VAMP7: variants seen among roughly 807,000 people sequenced by gnomAD.
VAMP7 encodes vesicle-associated membrane protein 7.
In VAMP7, 14 loss-of-function variants were observed where a neutral mutation model predicts 29.6. The ratio of observed to expected loss-of-function variants is 0.47; its 90% CI spans 0.31 to 0.74. The LOEUF (loss-of-function observed/expected upper bound fraction) is 0.74, where lower values mean the gene tolerates loss of function less well. Ranked by LOEUF, VAMP7 falls within the 30% of genes least tolerant of loss-of-function variation. The pLI is 0.05. For missense variants in VAMP7, 223 were observed against 262.4 expected (o/e 0.85, Z 1.04); for synonymous variants, 95 against 88.1 (o/e 1.08, Z -0.44).
At chrX:155,928,632 C>G (rs1260766736) in intron 6 of VAMP7, among the ~76,000 whole-genome samples, 4 of 152,128 alleles carry the variant, frequency 2.6e-5, no homozygotes, top group African/African-American at 9.7e-5. Context: ...ATGGATAATC[C>G]AGGATACTCT....
chrX:155,940,656 T>A (rs1279390608), intron 7 of VAMP7, among the ~76,000 whole-genome samples: 1 of 152,176 alleles, frequency 6.6e-6, no homozygotes, highest in East Asian at 1.9e-4. Flanking sequence ...AAATGCAATA[T>A]CAATCTTTGC....
intron 5 of VAMP7, among the ~76,000 whole-genome samples, chrX:155,913,755 A>G (rs1233725092): frequency 6.6e-6 from 1 of 152,172 alleles, no homozygotes; most frequent in Non-Finnish European, 1.5e-5. Context: ...TACCAATACC[A>G]TGCTGTTTTG....
At chrX:155,886,171 A>G (rs1160910868) in intron 1 of VAMP7, among the ~76,000 whole-genome samples, 2 of 151,842 alleles carry the variant, frequency 1.3e-5, no homozygotes, top group East Asian at 3.9e-4. Context: ...TTTATTAGGC[A>G]TTTACATACT....
chrX:155,932,417 C>T (rs2066574321), intron 6 of VAMP7, among the ~76,000 whole-genome samples: 1 of 152,118 alleles, frequency 6.6e-6, no homozygotes. Context: ...TTGAAGAGGT[C>T]CTTCACATCC....
At chrX:155,887,705 G>T (rs1251563845) in intron 1 of VAMP7, among the ~76,000 whole-genome samples, 2 of 152,036 alleles carry the variant, frequency 1.3e-5, no homozygotes, top group Non-Finnish European at 2.9e-5. Flanking sequence ...AAGGCAGGTG[G>T]ATCACTTGAG....
At chrX:155,901,357 TTC>T (rs1019907030) in intron 5 of VAMP7, among the ~76,000 whole-genome samples, 29 of 151,348 alleles carry the variant, frequency 1.9e-4, no homozygotes, top group African/African-American at 7.1e-4. Context: ...TTTATTTTTA[TTC>T]TTTTTTTTGT....
At position 155,942,171 on chromosome X, in the gene VAMP7, G is replaced by A. The variant is rs1007652940; in HGVS notation, c.*220G>A. ...GATTGAACCATTCATTGCAGCAGTA[G>A]CCTTAAAAAGGCTTTTGTTTATTTC... On this transcript the variant is annotated 3_prime_UTR_variant, in exon 8 of 8. Coordinates refer to ENST00000286448, the MANE Select transcript of VAMP7 (RefSeq NM_005638.6). 15 of 1,540,680 alleles carry A rather than the reference G, an allele frequency of 9.7e-6. No homozygotes were observed. In the South Asian group the frequency reaches 1.6e-4, roughly 16 times the overall value.
intron 5 of VAMP7, among the ~76,000 whole-genome samples, chrX:155,904,360 T>G (rs189555451): frequency 0.02 from 1,723 of 85,314 alleles, 17 homozygotes; most frequent in Middle Eastern, 0.051. Context: ...ATAATAATAA[T>G]AAAATAAAAT....
intron 7 of VAMP7, among the ~76,000 whole-genome samples, chrX:155,941,264 T>C (rs1239036741): frequency 6.6e-6 from 1 of 152,140 alleles, no homozygotes; most frequent in East Asian, 1.9e-4. Context: ...ATAATATAAT[T>C]TAAAATTATA....
chrX:155,908,659 C>G (rs772429190), intron 5 of VAMP7, among the ~76,000 whole-genome samples: 1 of 152,184 alleles, frequency 6.6e-6, no homozygotes, highest in South Asian at 2.1e-4. Flanking sequence ...TAGAATGAGT[C>G]AAGAAGTGTT....
At chrX:155,913,283 G>T (rs1207587313) in intron 5 of VAMP7, among the ~76,000 whole-genome samples, 7 of 152,096 alleles carry the variant, frequency 4.6e-5, no homozygotes, top group Non-Finnish European at 7.4e-5. Context: ...CCCTTTGTCA[G>T]ATGGATAGAT....
intron 2 of VAMP7, among the ~76,000 whole-genome samples, chrX:155,892,909 C>G (rs1223389100): frequency 2.0e-5 from 3 of 151,858 alleles, no homozygotes; most frequent in Admixed American, 1.3e-4. Flanking sequence ...TGTGCCACCA[C>G]GCCTGGCTAA....
At chrX:155,893,692 T>C (rs1355622796) in intron 2 of VAMP7, among the ~76,000 whole-genome samples, 1 of 152,180 alleles carries the variant, frequency 6.6e-6, no homozygotes, top group African/African-American at 2.4e-5. Context: ...TCCTCTTTTT[T>C]AAAGCCACTA....
intron 6 of VAMP7, among the ~76,000 whole-genome samples, chrX:155,924,693 C>A (rs971395735): frequency 6.6e-6 from 1 of 152,136 alleles, no homozygotes; most frequent in Non-Finnish European, 1.5e-5. Flanking sequence ...ACTGACTGAT[C>A]GATCAGGCTG....
chrX:155,908,762 G>A (rs1231920953), intron 5 of VAMP7, among the ~76,000 whole-genome samples: 1 of 152,082 alleles, frequency 6.6e-6, no homozygotes, highest in Non-Finnish European at 1.5e-5. Context: ...ACCTGGGCTT[G>A]GGCTTTTCTT....
chrX:155,931,613 C>T (rs1264288996), intron 6 of VAMP7, among the ~76,000 whole-genome samples: 1 of 152,126 alleles, frequency 6.6e-6, no homozygotes, highest in African/African-American at 2.4e-5. Flanking sequence ...TGGATATTAG[C>T]CCTTTGTCAG....
intron 5 of VAMP7, among the ~76,000 whole-genome samples, chrX:155,908,572 G>C (rs756874065): frequency 2.7e-5 from 4 of 149,560 alleles, no homozygotes; most frequent in Admixed American, 2.0e-4. Flanking sequence ...GAGAGGGGGA[G>C]GGGGAGAGGG....
At chrX:155,905,716 A>T (rs1291851618) in intron 5 of VAMP7, among the ~76,000 whole-genome samples, 1 of 152,140 alleles carries the variant, frequency 6.6e-6, no homozygotes, top group Non-Finnish European at 1.5e-5. Flanking sequence ...TTATCAATGG[A>T]TGTATAGCTT....
intron 1 of VAMP7, among the ~76,000 whole-genome samples, chrX:155,886,896 G>T (rs1434991268): frequency 6.6e-6 from 1 of 152,024 alleles, no homozygotes; most frequent in African/African-American, 2.4e-5. Flanking sequence ...ATTAATTGTT[G>T]CCAAGGTCAA....
Sources: gnomAD v4.1 joint callset for allele counts (sites outside exome capture counted in the v4.1 genomes callset) on GRCh38, gnomAD v4.1.1 for gene constraint, MANE v1.5 for transcripts, NCBI Gene and HGNC (gene_info 2026-07-23, HGNC 2026-07-21) for gene names.